Variants in HSD17B12 observed in about 807,000 individuals in gnomAD.
The protein encoded by HSD17B12 is very-long-chain 3-oxoacyl-CoA reductase.
In HSD17B12, 32 loss-of-function variants were observed where a neutral mutation model predicts 39.3. The observed-to-expected ratio is 0.81, with a 90% CI of 0.61 to 1.09. The LOEUF is 1.09. Ranked by LOEUF, HSD17B12 falls within the 50% of genes least tolerant of loss-of-function variation. HSD17B12 has a pLI of 0.00. For missense variants in HSD17B12, 342 were observed against 382.9 expected (o/e 0.89, Z 0.89); for synonymous variants, 150 against 146.7 (o/e 1.02, Z -0.16).
chr11:43,648,451 T>G, the HSD17B12 span, among the ~76,000 whole-genome samples: 1 of 151,942 alleles, frequency 6.6e-6, no homozygotes, highest in Non-Finnish European at 1.5e-5. Flanking sequence ...TAGCTGTAGC[T>G]TCTTTTTCTG....
Position 43,856,541 on chromosome 11 carries a change from C to T in HSD17B12, c.*1293C>T, listed in dbSNP as rs1350095584. On this transcript the variant is annotated 3_prime_UTR_variant, in exon 11 of 11. Transcript: ENST00000278353. The stretch of plus-strand genomic sequence containing the variant: ...TGTAAAAGAAAATATATTTTAGCCC[C>T]TAAAATTAGGAAGAATGTAATCTCA... The T allele has an allele frequency of 6.6e-6, 1 of 152,162 alleles. No individual in the cohort carries two copies. The highest frequency in any genetic ancestry group is 1.5e-5 in the Non-Finnish European group (1 of 68,040). 9.4% of individuals were successfully genotyped at this position (152,162 alleles called of 1,614,324 possible).
chr11:43,799,540 G>A (rs757398511), intron 4 of HSD17B12, among the ~76,000 whole-genome samples: 22 of 152,046 alleles, frequency 1.4e-4, no homozygotes, highest in Non-Finnish European at 2.4e-4. Flanking sequence ...CTTTCCCACC[G>A]CTCTTTGAGA....
intron 4 of HSD17B12, among the ~76,000 whole-genome samples, chr11:43,804,077 T>G (rs1950996314): frequency 6.6e-6 from 1 of 152,220 alleles, no homozygotes. Flanking sequence ...AGACAATACT[T>G]TTTTCAAATT....
chr11:43,798,958 T>C (rs2033200956), intron 4 of HSD17B12, among the ~76,000 whole-genome samples: 2 of 152,310 alleles, frequency 1.3e-5, no homozygotes, highest in South Asian at 4.2e-4. Context: ...TTCTCCCCAG[T>C]ATTTTTGACC....
the HSD17B12 span, among the ~76,000 whole-genome samples, chr11:43,607,948 C>T: frequency 6.6e-6 from 1 of 152,182 alleles, no homozygotes; most frequent in African/African-American, 2.4e-5. Flanking sequence ...GAAACAAACC[C>T]TACACATTTC....
At chr11:43,768,681 T>C (rs996658209) in intron 3 of HSD17B12, among the ~76,000 whole-genome samples, 2 of 152,200 alleles carry the variant, frequency 1.3e-5, no homozygotes, top group Non-Finnish European at 1.5e-5. Flanking sequence ...AAAGGTGGTG[T>C]GGACCCAAAG....
intron 7 of HSD17B12, among the ~76,000 whole-genome samples, chr11:43,835,509 A>G (rs776287040): frequency 6.6e-6 from 1 of 152,128 alleles, no homozygotes; most frequent in Non-Finnish European, 1.5e-5. Flanking sequence ...AGAGTTTTAC[A>G]CTGTTGTGTG....
chr11:43,674,673 C>A, the HSD17B12 span, among the ~76,000 whole-genome samples: 1 of 152,182 alleles, frequency 6.6e-6, no homozygotes, highest in Non-Finnish European at 1.5e-5. Context: ...CCTACACCAA[C>A]AATTATTGCC....
chr11:43,841,781 G>A (rs989848828), intron 9 of HSD17B12, among the ~76,000 whole-genome samples: 2 of 152,156 alleles, frequency 1.3e-5, no homozygotes, highest in African/African-American at 2.4e-5. Context: ...CTCTGTGCAC[G>A]TCTGGTGTTC....
intron 1 of HSD17B12, among the ~76,000 whole-genome samples, chr11:43,691,487 G>C (rs898885253): frequency 6.6e-6 from 1 of 152,134 alleles, no homozygotes; most frequent in Non-Finnish European, 1.5e-5. Context: ...CATCTAGACA[G>C]GAAATTGCCA....
rs757710158 is a variant in HSD17B12 at position 43,701,446 on chromosome 11, T to TGTG, written c.160+20462_160+20464dup. On this transcript the variant is annotated intron_variant, in intron 1 of 10. Coordinates refer to ENST00000278353, the MANE Select transcript of HSD17B12 (RefSeq NM_016142.3). ...CTTGAGATTTTCTCTAATGTTTTCT[T>TGTG]GTGGTAGTTTCATAGTTTGAGGTCT... 1.4e-3 allele frequency among the ~76,000 whole-genome samples: 211 copies of TGTG among 152,320 alleles called. 1 individual carries two copies. Among genetic ancestry groups the TGTG allele is most frequent in the Middle Eastern group, 3.4e-3 (1 of 294 alleles).
At chr11:43,785,878 A>C (rs1950811494) in intron 3 of HSD17B12, among the ~76,000 whole-genome samples, 1 of 152,140 alleles carries the variant, frequency 6.6e-6, no homozygotes, top group Admixed American at 6.6e-5. Flanking sequence ...TTGTTCCTGA[A>C]TTTTGCAGCT....
intron 1 of HSD17B12, among the ~76,000 whole-genome samples, chr11:43,701,909 T>C (rs1483779339): frequency 6.6e-6 from 1 of 152,202 alleles, no homozygotes; most frequent in African/African-American, 2.4e-5. Flanking sequence ...AATTTGTAGA[T>C]TGCTTTGGGT....
Position 43,818,023 on chromosome 11 carries a change from GC to G in HSD17B12, c.501+1633del, listed in dbSNP as rs1285981061. On this transcript the variant is annotated intron_variant, in intron 6 of 10. Transcript: ENST00000278353. ...TTTATGTCATCTATGATTCCTTTCA[GC>G]AGTGTTTTTTAGTTTATTAAATGCT... 2.6e-5 allele frequency among the ~76,000 whole-genome samples: 4 copies of G among 152,142 alleles called. No individual in the cohort carries two copies. The East Asian group carries it at 7.7e-4, about 29-fold the overall frequency.
At chr11:43,683,392 A>AT (rs911817427) in intron 1 of HSD17B12, among the ~76,000 whole-genome samples, 26 of 147,212 alleles carry the variant, frequency 1.8e-4, no homozygotes, top group Admixed American at 4.1e-4. Flanking sequence ...TGGGTTTTGG[A>AT]TTTTTTTTTT....
the HSD17B12 span, among the ~76,000 whole-genome samples, chr11:43,625,546 A>G: frequency 1.3e-5 from 2 of 151,458 alleles, no homozygotes; most frequent in Admixed American, 1.3e-4. Context: ...AAAGAATCAT[A>G]TATAATATAT....
intron 3 of HSD17B12, among the ~76,000 whole-genome samples, chr11:43,774,307 A>C (rs999738160): frequency 7.3e-5 from 11 of 151,638 alleles, no homozygotes; most frequent in African/African-American, 2.7e-4. Flanking sequence ...TCTGCCTCCC[A>C]GGTTCAAGCG....
At chr11:43,828,827 T>G (rs1951277019) in intron 6 of HSD17B12, among the ~76,000 whole-genome samples, 1 of 152,238 alleles carries the variant, frequency 6.6e-6, no homozygotes, top group Non-Finnish European at 1.5e-5. Flanking sequence ...CTAAAAATCC[T>G]ATAAAAATTT....
At chr11:43,582,851 A>C in the HSD17B12 span, among the ~76,000 whole-genome samples, 4 of 152,304 alleles carry the variant, frequency 2.6e-5, no homozygotes, top group African/African-American at 9.6e-5. Flanking sequence ...TCCTCCCCAG[A>C]TAAAGGAAAT....
Sources: gnomAD v4.1 joint callset for allele counts (sites outside exome capture counted in the v4.1 genomes callset) on GRCh38, gnomAD v4.1.1 for gene constraint, MANE v1.5 for transcripts, NCBI Gene and HGNC (gene_info 2026-07-23, HGNC 2026-07-21) for gene names.